PCDH7: variants seen among roughly 807,000 people sequenced by gnomAD.
PCDH7 encodes protocadherin-7.
PCDH7 carries 17 observed loss-of-function variants against 58.9 expected under a neutral mutation model. The ratio of observed to expected loss-of-function variants is 0.29; its 90% CI spans 0.20 to 0.43. The LOEUF (loss-of-function observed/expected upper bound fraction) is 0.43. Ranked by LOEUF, PCDH7 falls within the 20% of genes least tolerant of loss-of-function variation. PCDH7 has a pLI of 1.00. For missense variants in PCDH7, 1,274 were observed against 1,441.0 expected (o/e 0.88, Z 1.88); for synonymous variants, 664 against 616.4 (o/e 1.08, Z -1.14).
intron 3 of PCDH7, among the ~76,000 whole-genome samples, chr4:31,021,529 T>C (rs953120170): frequency 6.6e-6 from 1 of 152,170 alleles, no homozygotes; most frequent in African/African-American, 2.4e-5. Context: ...CCAACATACA[T>C]TGACTGTTTG....
At chr4:30,810,706 G>C (rs1320269273) in intron 1 of PCDH7, among the ~76,000 whole-genome samples, 1 of 151,466 alleles carries the variant, frequency 6.6e-6, no homozygotes, top group African/African-American at 2.4e-5. Context: ...CTGCCTCCCG[G>C]TTCAAGCTAT....
intron 3 of PCDH7, among the ~76,000 whole-genome samples, chr4:30,962,730 C>A (rs1251246688): frequency 7.4e-6 from 1 of 134,362 alleles, no homozygotes. Flanking sequence ...TGCAGTGAGC[C>A]ATGATCACGC....
intron 3 of PCDH7, among the ~76,000 whole-genome samples, chr4:31,065,652 A>T (rs1294716703): frequency 1.3e-5 from 2 of 152,004 alleles, no homozygotes; most frequent in Non-Finnish European, 2.9e-5. Context: ...GCACGTACCG[A>T]GTAGTAAGTC....
rs182950946 is a variant in PCDH7, at chr4:30,798,984, T to G, written c.70+74388T>G. ...TTCTGTAGTTTATAGGACTCACTGT[T>G]TTCTTTTGAAAAAAATATAAAACAA... On this transcript the variant is annotated intron_variant, in intron 1 of 3. Transcript: ENST00000509759. Among the ~76,000 whole-genome samples the G allele has an allele frequency of 5.3e-5, 8 of 152,356 alleles. No homozygotes were observed. In the East Asian group the frequency reaches 1.3e-3, roughly 26 times the overall value.
intron 1 of PCDH7, among the ~76,000 whole-genome samples, chr4:30,883,409 A>G (rs1396633457): frequency 6.6e-6 from 1 of 151,950 alleles, no homozygotes; most frequent in African/African-American, 2.4e-5. Flanking sequence ...GTGTAGGTCC[A>G]AGAAATCATG....
intron 3 of PCDH7, among the ~76,000 whole-genome samples, chr4:30,999,469 AT>A (rs1347985957): frequency 6.6e-6 from 1 of 152,138 alleles, no homozygotes; most frequent in East Asian, 1.9e-4. Flanking sequence ...ATTCACAAAT[AT>A]GCAGGGGAAA....
intron 1 of PCDH7, among the ~76,000 whole-genome samples, chr4:30,832,409 C>G (rs954690146): frequency 6.6e-6 from 1 of 152,076 alleles, no homozygotes; most frequent in Non-Finnish European, 1.5e-5. Flanking sequence ...TTGTAAGCAT[C>G]GACAGATTTT....
chr4:30,925,561 T>C (rs1217737697), intron 2 of PCDH7, among the ~76,000 whole-genome samples: 1 of 152,214 alleles, frequency 6.6e-6, no homozygotes, highest in East Asian at 1.9e-4. Context: ...CATGACTTGC[T>C]AAGGATTCAT....
At chr4:30,938,330 A>G (rs529250328) in intron 2 of PCDH7, among the ~76,000 whole-genome samples, 1 of 152,092 alleles carries the variant, frequency 6.6e-6, no homozygotes, top group Admixed American at 6.6e-5. Context: ...CTTGTACGTG[A>G]TATGCATTTC....
chr4:30,728,294 T>TAG (rs779678604), intron 1 of PCDH7, among the ~76,000 whole-genome samples: 68 of 127,832 alleles, frequency 5.3e-4, no homozygotes, highest in Middle Eastern at 4.3e-3. Context: ...TATATATATA[T>TAG]ATAGAGAGAG....
intron 1 of PCDH7, among the ~76,000 whole-genome samples, chr4:30,853,511 T>G (rs1403896471): frequency 1.3e-5 from 2 of 152,092 alleles, no homozygotes; most frequent in Non-Finnish European, 2.9e-5. Context: ...ACATAGTCAG[T>G]GTTTTAACGT....
At chr4:31,034,946 CTTAA>C (rs1755265395) in intron 3 of PCDH7, among the ~76,000 whole-genome samples, 1 of 152,164 alleles carries the variant, frequency 6.6e-6, no homozygotes, top group African/African-American at 2.4e-5. Flanking sequence ...ATGCTTACAC[CTTAA>C]TTAATTGCAC....
chr4:31,059,936 C>T (rs1157376756), intron 3 of PCDH7, among the ~76,000 whole-genome samples: 1 of 151,648 alleles, frequency 6.6e-6, no homozygotes, highest in Non-Finnish European at 1.5e-5. Context: ...GATTGAGCAA[C>T]ATCAAGGCAA....
intron 2 of PCDH7, among the ~76,000 whole-genome samples, chr4:30,944,710 C>T (rs1746462566): frequency 6.6e-6 from 1 of 152,112 alleles, no homozygotes; most frequent in Admixed American, 6.6e-5. Flanking sequence ...AAACTCATTG[C>T]ACATATATTA....
At chr4:30,745,915 C>CTGT (rs1491364203) in intron 1 of PCDH7, among the ~76,000 whole-genome samples, 10 of 152,152 alleles carry the variant, frequency 6.6e-5, no homozygotes, top group Admixed American at 2.6e-4. Flanking sequence ...TCTCAGCTCA[C>CTGT]TGCAACCTCT....
chr4:31,033,784 C>T (rs1412825557), intron 3 of PCDH7, among the ~76,000 whole-genome samples: 1 of 152,090 alleles, frequency 6.6e-6, no homozygotes, highest in Non-Finnish European at 1.5e-5. Flanking sequence ...TTCTGTAGCT[C>T]TTTGTCTTTT....
chr4:31,082,562 G>C (rs1711632829), intron 3 of PCDH7, among the ~76,000 whole-genome samples: 1 of 152,144 alleles, frequency 6.6e-6, no homozygotes, highest in Non-Finnish European at 1.5e-5. Context: ...AAGCAAGAAA[G>C]TCACAACAAA....
exon 4 of PCDH7, chr4:31,142,818 A>G (rs767899153): frequency 7.3e-7 from 1 of 1,366,320 alleles, no homozygotes; most frequent in East Asian, 4.6e-5. Flanking sequence ...TCTCCTGTCA[A>G]TACTCTCACT....
At chr4:30,749,935 T>A (rs1406167926) in intron 1 of PCDH7, among the ~76,000 whole-genome samples, 2 of 152,178 alleles carry the variant, frequency 1.3e-5, no homozygotes, top group Non-Finnish European at 2.9e-5. Flanking sequence ...TAAAAATGAT[T>A]ATAATAACAT....
Sources: allele counts gnomAD v4.1 joint callset (sites outside exome capture counted in the v4.1 genomes callset), GRCh38; gene constraint gnomAD v4.1.1; transcripts MANE v1.5; gene names NCBI Gene and HGNC (gene_info 2026-07-23, HGNC 2026-07-21).